The following GRIA2 variants were observed in gnomAD, a reference collection of about 807,000 sequenced individuals.
GRIA2 encodes glutamate receptor 2.
Under a neutral mutation model 97.3 loss-of-function variants are expected in GRIA2, and 14 were observed. The observed-to-expected ratio is 0.14, with a 90% CI of 0.10 to 0.23. The LOEUF is 0.23. Among genes scored for constraint, GRIA2 ranks in the 10% least tolerant of loss-of-function variants. The pLI is 1.00. For missense variants in GRIA2, 558 were observed against 1,069.8 expected (o/e 0.52, Z 6.67); for synonymous variants, 412 against 387.8 (o/e 1.06, Z -0.73).
At chr4:157,311,216 A>G (rs752474135) in intron 3 of GRIA2, among the ~76,000 whole-genome samples, 6 of 152,072 alleles carry the variant, frequency 3.9e-5, no homozygotes, top group Non-Finnish European at 8.8e-5. Context: ...CCAGTCTTCA[A>G]ATTAATTAAT....
chr4:157,311,485 T>G (rs1002972770), intron 3 of GRIA2, among the ~76,000 whole-genome samples: 3 of 152,008 alleles, frequency 2.0e-5, no homozygotes, highest in African/African-American at 7.2e-5. Context: ...CAATATTGAA[T>G]CCATAAAATT....
At chr4:157,319,756 G>A (rs1734478284) in intron 5 of GRIA2, among the ~76,000 whole-genome samples, 1 of 152,052 alleles carries the variant, frequency 6.6e-6, no homozygotes, top group Non-Finnish European at 1.5e-5. Flanking sequence ...TTAAAAATCT[G>A]CAGATAATAT....
At chr4:157,301,753 G>T (rs6536229) in intron 2 of GRIA2, among the ~76,000 whole-genome samples, 37,830 of 151,942 alleles carry the variant, frequency 0.25, 5,457 homozygotes, top group African/African-American at 0.4. Context: ...CCTTCAAAAA[G>T]GATTATTTTA....
chr4:157,311,132 C>A (rs2126882778), intron 3 of GRIA2, among the ~76,000 whole-genome samples: 1 of 151,960 alleles, frequency 6.6e-6, no homozygotes, highest in East Asian at 1.9e-4. Context: ...AAATAAATAT[C>A]TTTAGTTCAT....
chr4:157,305,126 T>C (rs568523343), intron 3 of GRIA2, among the ~76,000 whole-genome samples: 1 of 152,340 alleles, frequency 6.6e-6, no homozygotes, highest in East Asian at 1.9e-4. Flanking sequence ...TAAAAGGGCT[T>C]ATAAAACTGA....
chr4:157,223,318 A>G lies in GRIA2; in HGVS notation c.229+1511A>G, dbSNP rs1039961971. Among the ~76,000 whole-genome samples, 3 of 152,190 alleles carry G rather than the reference A, an allele frequency of 2.0e-5. No individual in the cohort carries two copies. The South Asian group carries it at 6.2e-4, about 32-fold the overall frequency. ...ATTGTTTATAATGGATCTATTTAAG[A>G]AGGTTTCACTGCTATATATTTTCTT... On this transcript the variant is annotated intron_variant, in intron 2 of 15. Transcript: ENST00000264426.
At chr4:157,240,545 G>A (rs187977494) in intron 2 of GRIA2, among the ~76,000 whole-genome samples, 206 of 151,850 alleles carry the variant, frequency 1.4e-3, no homozygotes, top group African/African-American at 4.7e-3. Flanking sequence ...CTGTCTTCCT[G>A]CAATTTGAAA....
chr4:157,228,313 T>G (rs1729839642), intron 2 of GRIA2, among the ~76,000 whole-genome samples: 1 of 152,230 alleles, frequency 6.6e-6, no homozygotes, highest in Non-Finnish European at 1.5e-5. Flanking sequence ...ACTTTGTACC[T>G]TCCTTGAATC....
chr4:157,341,490 AT>A (rs1383841680), intron 12 of GRIA2, 28 bp downstream of exon 12: 1 of 1,469,710 alleles, frequency 6.8e-7, no homozygotes, highest in Non-Finnish European at 9.5e-7. Flanking sequence ...GTAGTTTCTG[AT>A]TTTGTTCCTG....
At chr4:157,329,179 G>A (rs1183935507) in intron 6 of GRIA2, among the ~76,000 whole-genome samples, 1 of 151,542 alleles carries the variant, frequency 6.6e-6, no homozygotes, top group African/African-American at 2.4e-5. Context: ...GTCACTGTTG[G>A]TTATCTTAAA....
chr4:157,249,714 C>G (rs557715949), intron 2 of GRIA2: 29 of 152,252 alleles, frequency 1.9e-4, no homozygotes, highest in African/African-American at 6.7e-4. Flanking sequence ...CATTGTGTGT[C>G]CTGGAGAACT....
intron 3 of GRIA2, among the ~76,000 whole-genome samples, chr4:157,306,308 A>G (rs1733843153): frequency 6.6e-6 from 1 of 152,202 alleles, no homozygotes; most frequent in Non-Finnish European, 1.5e-5. Context: ...CTCAAAAGAC[A>G]GGCTCTGGAA....
chr4:157,257,219 C>CT (rs1731318510), intron 2 of GRIA2, among the ~76,000 whole-genome samples: 1 of 152,044 alleles, frequency 6.6e-6, no homozygotes, highest in Non-Finnish European at 1.5e-5. Context: ...GAATCTATCA[C>CT]TTTTTTATCC....
intron 6 of GRIA2, among the ~76,000 whole-genome samples, chr4:157,332,573 G>A (rs1735101994): frequency 6.6e-6 from 1 of 151,788 alleles, no homozygotes; most frequent in Non-Finnish European, 1.5e-5. Flanking sequence ...TTATGAAAAG[G>A]TCTAACCTGA....
intron 6 of GRIA2, among the ~76,000 whole-genome samples, 200 bp downstream of exon 6, chr4:157,321,799 G>A (rs537304925): frequency 6.6e-6 from 1 of 151,976 alleles, no homozygotes; most frequent in Non-Finnish European, 1.5e-5. Context: ...TATTACTCTT[G>A]TGTTTTCTAC....
intron 2 of GRIA2, among the ~76,000 whole-genome samples, chr4:157,282,813 A>G (rs769485201): frequency 6.6e-6 from 1 of 152,066 alleles, no homozygotes; most frequent in African/African-American, 2.4e-5. Context: ...TTTACCAATC[A>G]CTATCGTTGG....
intron 12 of GRIA2, among the ~76,000 whole-genome samples, chr4:157,346,384 G>T (rs555267613): frequency 7.9e-5 from 12 of 151,886 alleles, no homozygotes; most frequent in African/African-American, 2.9e-4. Context: ...GTCATTCCCC[G>T]TACTTATTTT....
intron 12 of GRIA2, among the ~76,000 whole-genome samples, chr4:157,359,304 A>T (rs1324302031): frequency 6.6e-6 from 1 of 152,158 alleles, no homozygotes. Flanking sequence ...TAAATATTCA[A>T]AGAAAAAAGT....
At chr4:157,283,773 C>T (rs1420823718) in intron 2 of GRIA2, among the ~76,000 whole-genome samples, 1 of 151,810 alleles carries the variant, frequency 6.6e-6, no homozygotes, top group Non-Finnish European at 1.5e-5. Context: ...TTAAGACACT[C>T]ACTAGTAATC....
Sources: gnomAD v4.1 joint callset for allele counts (sites outside exome capture counted in the v4.1 genomes callset) on GRCh38, gnomAD v4.1.1 for gene constraint, MANE v1.5 for transcripts, NCBI Gene and HGNC (gene_info 2026-07-23, HGNC 2026-07-21) for gene names.